The following LINC00305 variants were observed in gnomAD, a reference collection of about 807,000 sequenced individuals.
The protein encoded by LINC00305 is long independently transcribed non-coding RNA 305.
At chr18:64,095,458 AT>A (rs34018547) in intron 3 of LINC00305, among the ~76,000 whole-genome samples, 50,724 of 151,022 alleles carry the variant, frequency 0.34, 10,173 homozygotes, top group African/African-American at 0.57. Context: ...ACAAGAGGAG[AT>A]TTTTTTTTTG....
At chr18:64,115,510 G>A (rs540130020) in intron 1 of LINC00305, among the ~76,000 whole-genome samples, 3 of 152,250 alleles carry the variant, frequency 2.0e-5, no homozygotes, top group African/African-American at 4.8e-5. Context: ...GAGGGGGAAC[G>A]TGAGGGTGTC....
intron 1 of LINC00305, among the ~76,000 whole-genome samples, chr18:64,105,058 G>T (rs979495204): frequency 2.2e-4 from 33 of 151,930 alleles, no homozygotes; most frequent in Non-Finnish European, 4.0e-4. Flanking sequence ...CAAACCGTTT[G>T]GGTGCTCTAA....
intron 1 of LINC00305, among the ~76,000 whole-genome samples, chr18:64,133,072 A>G (rs187973476): frequency 4.6e-5 from 7 of 152,240 alleles, no homozygotes; most frequent in East Asian, 1.9e-4. Flanking sequence ...ACTGTTGCCA[A>G]TTTTGGGTTG....
At chr18:64,081,134 G>T in intron 3 of LINC00305, among the ~76,000 whole-genome samples, 1 of 152,158 alleles carries the variant, frequency 6.6e-6, no homozygotes, top group East Asian at 1.9e-4. Flanking sequence ...ATTTTTTCCT[G>T]AACCAAATAG....
At chr18:64,131,583 T>C (rs1168566874) in intron 1 of LINC00305, among the ~76,000 whole-genome samples, 1 of 152,220 alleles carries the variant, frequency 6.6e-6, no homozygotes, top group Non-Finnish European at 1.5e-5. Context: ...CCAACAATTT[T>C]GTTCTTATAT....
intron 3 of LINC00305, among the ~76,000 whole-genome samples, chr18:64,092,581 A>G (rs1170376610): frequency 1.3e-5 from 2 of 152,132 alleles, no homozygotes; most frequent in Non-Finnish European, 2.9e-5. Flanking sequence ...AACAAAAAAC[A>G]TTTGCTGACT....
chr18:64,126,973 T>C (rs1051246264), intron 1 of LINC00305, among the ~76,000 whole-genome samples: 6 of 152,168 alleles, frequency 3.9e-5, no homozygotes, highest in African/African-American at 1.4e-4. Context: ...ACTTTTATTT[T>C]AGATTCGGAG....
At chr18:64,117,982 G>A (rs1026822772) in intron 1 of LINC00305, among the ~76,000 whole-genome samples, 2 of 152,096 alleles carry the variant, frequency 1.3e-5, no homozygotes, top group Non-Finnish European at 2.9e-5. Flanking sequence ...TTAAAGAGTG[G>A]TGACAATAAC....
chr18:64,086,638 T>C (rs2044865242), intron 3 of LINC00305, among the ~76,000 whole-genome samples: 1 of 152,230 alleles, frequency 6.6e-6, no homozygotes, highest in South Asian at 2.1e-4. Flanking sequence ...CTATACACTT[T>C]AGCAAGCTAA....
intron 1 of LINC00305, among the ~76,000 whole-genome samples, chr18:64,120,027 G>A (rs1418215902): frequency 6.6e-6 from 1 of 152,080 alleles, no homozygotes; most frequent in Non-Finnish European, 1.5e-5. Context: ...TGGGTCTAAA[G>A]TATTTTGATT....
intron 1 of LINC00305, chr18:64,147,446 A>T (rs947596356): frequency 2.0e-5 from 3 of 152,320 alleles, no homozygotes; most frequent in East Asian, 1.9e-4. Context: ...CCACAATGCT[A>T]TATCTGCTCT....
intron 1 of LINC00305, among the ~76,000 whole-genome samples, chr18:64,121,490 T>C (rs573287207): frequency 6.6e-6 from 1 of 152,146 alleles, no homozygotes; most frequent in Non-Finnish European, 1.5e-5. Context: ...TAATGGCCTC[T>C]AATTCCATCC....
At chr18:64,096,561 A>C (rs1224655893) in intron 3 of LINC00305, among the ~76,000 whole-genome samples, 1 of 151,890 alleles carries the variant, frequency 6.6e-6, no homozygotes, top group Non-Finnish European at 1.5e-5. Context: ...TGAATTATTT[A>C]TTAAATGTCG....
chr18:64,084,247 C>A (rs2051195015), intron 3 of LINC00305, among the ~76,000 whole-genome samples: 1 of 152,184 alleles, frequency 6.6e-6, no homozygotes, highest in African/African-American at 2.4e-5. Flanking sequence ...CAGTTTTAAG[C>A]TTCCTGAGAA....
chr18:64,143,582 G>GTACATATGTA (rs1456590972), intron 1 of LINC00305, among the ~76,000 whole-genome samples: 2 of 84,506 alleles, frequency 2.4e-5, no homozygotes, highest in Admixed American at 9.9e-5. Context: ...ATATGTATAT[G>GTACATATGTA]TACATATGTA....
At chr18:64,148,837 T>C (rs534257547) in exon 1 of LINC00305, 1 of 152,460 alleles carries the variant, frequency 6.6e-6, no homozygotes, top group African/African-American at 2.4e-5. Context: ...ATGCCTCAGC[T>C]GGTTTCAGTG....
At chr18:64,093,086 A>G (rs967516443) in intron 3 of LINC00305, among the ~76,000 whole-genome samples, 7 of 152,216 alleles carry the variant, frequency 4.6e-5, no homozygotes, top group Admixed American at 2.0e-4. Context: ...GAATGGTGTC[A>G]TAGCGAGTCT....
At chr18:64,145,757 A>G (rs766989345) in intron 1 of LINC00305, among the ~76,000 whole-genome samples, 2 of 152,162 alleles carry the variant, frequency 1.3e-5, no homozygotes, top group Admixed American at 6.5e-5. Flanking sequence ...TAAGCCACTA[A>G]GTTTGTGGTA....
chr18:64,090,948 T>A (rs941544621), intron 3 of LINC00305, among the ~76,000 whole-genome samples: 1 of 152,242 alleles, frequency 6.6e-6, no homozygotes, highest in Non-Finnish European at 1.5e-5. Flanking sequence ...CAACTATCTT[T>A]AATTCACCTC....
Sources: allele counts gnomAD v4.1 joint callset (sites outside exome capture counted in the v4.1 genomes callset), GRCh38; gene constraint gnomAD v4.1.1; transcripts MANE v1.5; gene names NCBI Gene and HGNC (gene_info 2026-07-23, HGNC 2026-07-21).